GALNT13: variants seen among roughly 807,000 people sequenced by gnomAD.
The protein encoded by GALNT13 is UDP-GalNAc:polypeptide N-acetylgalactosaminyltransferase 13.
A neutral mutation model predicts 64.2 loss-of-function variants in GALNT13; 28 were observed. The observed-to-expected ratio is 0.44, with a 90% CI of 0.32 to 0.60. The LOEUF (loss-of-function observed/expected upper bound fraction) is 0.60. GALNT13 is among the 20% of genes least tolerant of loss of function. The pLI is 0.05. For missense variants in GALNT13, 577 were observed against 669.8 expected, an observed-to-expected ratio of 0.86 and a Z score of 1.53; for synonymous variants, 214 against 224.6, an observed-to-expected ratio of 0.95 and a Z score of 0.42.
At chr2:153,978,549 A>G (rs1694230560) in intron 3 of GALNT13, among the ~76,000 whole-genome samples, 1 of 152,054 alleles carries the variant, frequency 6.6e-6, no homozygotes, top group Admixed American at 6.5e-5. Context: ...GATAGTGAAT[A>G]AGCCTCATGA....
chr2:154,209,047 C>T (rs1283479365), intron 4 of GALNT13, among the ~76,000 whole-genome samples: 2 of 151,812 alleles, frequency 1.3e-5, no homozygotes, highest in Non-Finnish European at 2.9e-5. Context: ...TGCCCTAATT[C>T]CAGATCAAAG....
chr2:153,544,764 G>T, the GALNT13 span, among the ~76,000 whole-genome samples: 1 of 152,190 alleles, frequency 6.6e-6, no homozygotes. Context: ...AATCATGGTA[G>T]AGATTATATA....
chr2:153,153,050 C>A, the GALNT13 span, among the ~76,000 whole-genome samples: 1 of 152,260 alleles, frequency 6.6e-6, no homozygotes, highest in African/African-American at 2.4e-5. Flanking sequence ...TCATTTTTCT[C>A]TATAACCTTG....
chr2:154,259,285 G>C (rs1360734310), intron 8 of GALNT13, 147 bp downstream of exon 8: 1 of 628,844 alleles, frequency 1.6e-6, no homozygotes, highest in African/African-American at 1.9e-5. Flanking sequence ...ATTTTGATTT[G>C]ACAGAGTCCT....
At chr2:153,518,230 T>C in the GALNT13 span, among the ~76,000 whole-genome samples, 1 of 152,106 alleles carries the variant, frequency 6.6e-6, no homozygotes, top group Non-Finnish European at 1.5e-5. Flanking sequence ...TCTTCTATTG[T>C]TTTTCTCATA....
chr2:154,446,616 A>C (rs1187152230), intron 12 of GALNT13: 2 of 1,548,184 alleles, frequency 1.3e-6, no homozygotes, highest in African/African-American at 2.7e-5. Context: ...CTCAGTGAAC[A>C]AAGTAGCTGA....
chr2:154,175,859 T>C (rs1685619166), intron 4 of GALNT13, among the ~76,000 whole-genome samples: 1 of 152,216 alleles, frequency 6.6e-6, no homozygotes, highest in South Asian at 2.1e-4. Context: ...CTATGATTTA[T>C]ATTATGGATA....
rs537960062 is a variant in GALNT13, at chr2:154,445,671, A to C, written c.1531-4740A>C. Reference sequence around the variant, plus strand: ...TTCTTTACAAATTATGTACTATTTTACTGTGGAAGATAAATCCTTGAAAAC... The same window carrying C: ...TTCTTTACAAATTATGTACTATTTTCCTGTGGAAGATAAATCCTTGAAAAC... On this transcript the variant is annotated intron_variant, in intron 12 of 12. Transcript: ENST00000392825. The C allele has an allele frequency of 1.0e-3, 361 of 361,412 alleles. 1 individual carries two copies. Among genetic ancestry groups the C allele is most frequent in the Middle Eastern group, 1.7e-3 (3 of 1,726 alleles). 22.4% of individuals were successfully genotyped at this position (361,412 alleles called of 1,614,324 possible).
the GALNT13 span, among the ~76,000 whole-genome samples, chr2:153,292,064 C>T: frequency 6.6e-6 from 1 of 152,156 alleles, no homozygotes; most frequent in African/African-American, 2.4e-5. Flanking sequence ...GTTTCTGGTG[C>T]TTGGTTACAC....
Position 154,016,914 on chromosome 2 carries a change from G to C in GALNT13, c.142+72275G>C, listed in dbSNP as rs533961581. Among the ~76,000 whole-genome samples, 4 of 152,210 alleles carry C rather than the reference G, an allele frequency of 2.6e-5. No homozygotes were observed. In the South Asian group the frequency reaches 8.3e-4, roughly 32 times the overall value. ...AGGGATTTTTGTTGTTGTTGCTATG[G>C]GCTTAAGAAATGAAGAATGTGGAAT... On this transcript the variant is annotated intron_variant, in intron 3 of 12. Transcript: ENST00000392825.
chr2:153,723,735 T>A, the GALNT13 span, among the ~76,000 whole-genome samples: 1 of 151,678 alleles, frequency 6.6e-6, no homozygotes, highest in Non-Finnish European at 1.5e-5. Context: ...TACCTAGGAA[T>A]CCAACTTACA....
chr2:153,779,040 A>C, the GALNT13 span, among the ~76,000 whole-genome samples: 2 of 152,206 alleles, frequency 1.3e-5, no homozygotes, highest in African/African-American at 4.8e-5. Context: ...GCTGAAATTT[A>C]GGGTGACCTA....
intron 3 of GALNT13, among the ~76,000 whole-genome samples, chr2:154,024,262 T>C (rs1181097640): frequency 1.3e-5 from 2 of 152,236 alleles, no homozygotes; most frequent in Non-Finnish European, 2.9e-5. Flanking sequence ...ATTGGGGAAG[T>C]TCTCCTGGAT....
At chr2:153,880,166 A>C (rs994343115) in intron 1 of GALNT13, among the ~76,000 whole-genome samples, 1 of 152,170 alleles carries the variant, frequency 6.6e-6, no homozygotes, top group South Asian at 2.1e-4. Flanking sequence ...TATTTATGGA[A>C]GGATTGGGGA....
chr2:154,146,230 A>C (rs545519196), intron 4 of GALNT13, among the ~76,000 whole-genome samples: 3 of 151,844 alleles, frequency 2.0e-5, no homozygotes, highest in Non-Finnish European at 4.4e-5. Context: ...TATTATTATC[A>C]TTTGGGGGAT....
intron 3 of GALNT13, among the ~76,000 whole-genome samples, chr2:154,119,822 T>C (rs746406440): frequency 3.9e-5 from 6 of 152,188 alleles, no homozygotes; most frequent in Non-Finnish European, 7.4e-5. Context: ...TTTTTGTGTA[T>C]TGTTTTCCAA....
chr2:153,118,108 A>AC, the GALNT13 span, among the ~76,000 whole-genome samples: 1 of 12,782 alleles, frequency 7.8e-5, no homozygotes, highest in African/African-American at 1.2e-4. Context: ...ACTATGTACC[A>AC]ACACACACAC....
the GALNT13 span, among the ~76,000 whole-genome samples, chr2:153,581,373 C>A: frequency 6.6e-6 from 1 of 151,792 alleles, no homozygotes; most frequent in South Asian, 2.1e-4. Flanking sequence ...TTTTTTCCCA[C>A]GGTTATTTTA....
chr2:153,543,729 C>T, the GALNT13 span, among the ~76,000 whole-genome samples: 1 of 152,178 alleles, frequency 6.6e-6, no homozygotes, highest in Non-Finnish European at 1.5e-5. Context: ...AAACCGTCTT[C>T]CTGCTATAGG....
Sources: gnomAD v4.1 joint callset for allele counts (sites outside exome capture counted in the v4.1 genomes callset) on GRCh38, gnomAD v4.1.1 for gene constraint, MANE v1.5 for transcripts, NCBI Gene and HGNC (gene_info 2026-07-23, HGNC 2026-07-21) for gene names.